AGO4: variants seen among roughly 807,000 people sequenced by gnomAD.
AGO4 encodes the protein protein argonaute-4.
Under a neutral mutation model 104.7 loss-of-function variants are expected in AGO4, and 33 were observed. The observed-to-expected ratio is 0.32, with a 90% CI of 0.24 to 0.42. The LOEUF is 0.42. AGO4 is among the 10% of genes least tolerant of loss of function. The probability of loss-of-function intolerance (pLI) is 1.00; values close to 1 mark genes in which losing one functional copy is unlikely to be tolerated. For missense variants in AGO4, 711 were observed against 1,083.4 expected (o/e 0.66, Z 4.83); for synonymous variants, 331 against 364.7 (o/e 0.91, Z 1.05).
At chr1:35,811,443 C>T (rs1440447669) in intron 1 of AGO4, among the ~76,000 whole-genome samples, 1 of 143,132 alleles carries the variant, frequency 7.0e-6, no homozygotes, top group East Asian at 2.1e-4. Flanking sequence ...GCCTGGGTGA[C>T]AGAGCAAGAC....
At chr1:35,833,627 G>A (rs775550150) in intron 11 of AGO4, among the ~76,000 whole-genome samples, 6 of 152,156 alleles carry the variant, frequency 3.9e-5, no homozygotes, top group South Asian at 2.1e-4. Context: ...CAAAATGCAC[G>A]TTACCTGAAA....
chr1:35,814,914 G>C (rs977693329), intron 1 of AGO4, among the ~76,000 whole-genome samples: 9 of 152,142 alleles, frequency 5.9e-5, no homozygotes, highest in African/African-American at 2.2e-4. Context: ...GTCTCCCTCT[G>C]TCGCCCAGGC....
intron 15 of AGO4, among the ~76,000 whole-genome samples, chr1:35,844,659 C>G (rs1335142658): frequency 6.6e-6 from 1 of 152,184 alleles, no homozygotes; most frequent in Admixed American, 6.5e-5. Flanking sequence ...TTCCTGCCCC[C>G]ATCCTGTGCT....
chr1:35,822,454 G>T (rs1437112084), intron 2 of AGO4, among the ~76,000 whole-genome samples: 1 of 151,354 alleles, frequency 6.6e-6, no homozygotes, highest in South Asian at 2.1e-4. Flanking sequence ...GGGTTTCACT[G>T]TGTTGGTCAG....
chr1:35,842,630 C>CGAAA (rs1409328870), intron 15 of AGO4, among the ~76,000 whole-genome samples: 3 of 152,094 alleles, frequency 2.0e-5, no homozygotes, highest in Non-Finnish European at 4.4e-5. Context: ...GGTGAGACTC[C>CGAAA]ATCTCTACTG....
rs1339357185 is a variant in AGO4 at position 35,832,040 on chromosome 1, G to A, written c.1117-17G>A. On this transcript the variant is annotated splice_polypyrimidine_tract_variant and intron_variant, in intron 9 of 17. Coordinates refer to ENST00000373210, the MANE Select transcript of AGO4 (RefSeq NM_017629.4). ...TACTCTCTGGTTTTTATATATGCAGGCTTTCCTGTTCTTTAGGTGAAGAGC... is the reference window on the plus strand; with the variant it reads ...TACTCTCTGGTTTTTATATATGCAGACTTTCCTGTTCTTTAGGTGAAGAGC... 6.2e-7 allele frequency: 1 copy of A among 1,607,998 alleles called. No homozygotes were observed. Among genetic ancestry groups the A allele is most frequent in the Non-Finnish European group, 8.5e-7 (1 of 1,178,452 alleles).
chr1:35,817,122 A>G, intron 2 of AGO4, 75 bp downstream of exon 2: 1 of 1,394,688 alleles, frequency 7.2e-7, no homozygotes, highest in Non-Finnish European at 9.6e-7. Context: ...TGTTCTCTAA[A>G]TTCATCCAAC....
intron 17 of AGO4, 79 bp downstream of exon 17, chr1:35,851,132 T>C: frequency 7.3e-7 from 1 of 1,368,050 alleles, no homozygotes; most frequent in Non-Finnish European, 1.0e-6. Flanking sequence ...AGAAAACTTT[T>C]TTAAGGATTT....
At chr1:35,832,715 A>G in intron 11 of AGO4, 145 bp downstream of exon 11, 1 of 1,118,990 alleles carries the variant, frequency 8.9e-7, no homozygotes, top group East Asian at 2.8e-5. Context: ...ACCTTGTATT[A>G]TAGTAATTTG....
Position 35,854,847 on chromosome 1 carries a change from A to G in AGO4, c.*1242A>G, listed in dbSNP as rs1159726814. ...GGTAACTCACACGACTACTTGCAGT[A>G]CAAATTTTTTGCTTCTCTTTCGACA... On this transcript the variant is annotated 3_prime_UTR_variant, in exon 18 of 18. Coordinates refer to ENST00000373210, the MANE Select transcript of AGO4 (RefSeq NM_017629.4). 6.5e-6 allele frequency: 1 copy of G among 152,674 alleles called. No homozygotes were observed. The highest frequency in any genetic ancestry group is 1.5e-5 in the Non-Finnish European group (1 of 68,048). 9.5% of individuals were successfully genotyped at this position (152,674 alleles called of 1,614,324 possible).
chr1:35,831,570 T>C lies in AGO4; in HGVS notation c.992T>C (p.Leu331Pro), dbSNP rs1206985928. The C allele has an allele frequency of 6.2e-7, 1 of 1,607,538 alleles. No individual in the cohort carries two copies. Among genetic ancestry groups the C allele is most frequent in the Non-Finnish European group, 8.5e-7 (1 of 1,178,486 alleles). Residue 331 changes from leucine (L) to proline (P), a missense_variant, in exon 8 of 18, where the codon CTC (leucine) becomes CCC (proline). Coordinates refer to ENST00000373210, the MANE Select transcript of AGO4 (RefSeq NM_017629.4). ...GQEQKHTYLPLEVCNIVAGQR... is the reference protein window; with the variant it reads ...GQEQKHTYLPPEVCNIVAGQR... ...GAACAAAAGCATACATACTTGCCACTCGAGGTAAGTTAAATTTTCTTTTGC... is the reference window on the plus strand; with the variant it reads ...GAACAAAAGCATACATACTTGCCACCCGAGGTAAGTTAAATTTTCTTTTGC...
chr1:35,853,652 C>A lies in AGO4; in HGVS notation c.*47C>A. On this transcript the variant is annotated 3_prime_UTR_variant, in exon 18 of 18. Transcript: ENST00000373210. ...ACCAATTTGGCACCCCATGCAGCCT[C>A]AAAATGTTTCAAATGCCTACCGCCT... The A allele has an allele frequency of 6.5e-7, 1 of 1,531,166 alleles. No individual in the cohort carries two copies. Among genetic ancestry groups the A allele is most frequent in the Non-Finnish European group, 9.0e-7 (1 of 1,108,372 alleles). 94.8% of individuals were successfully genotyped at this position (1,531,166 alleles called of 1,614,324 possible).
chr1:35,821,631 C>G (rs993796369), intron 2 of AGO4, among the ~76,000 whole-genome samples: 1 of 152,084 alleles, frequency 6.6e-6, no homozygotes, highest in Admixed American at 6.6e-5. Context: ...GACTTTTATT[C>G]TAAAAACAAA....
intron 2 of AGO4, among the ~76,000 whole-genome samples, chr1:35,819,152 T>A (rs973759855): frequency 3.0e-4 from 46 of 152,178 alleles, no homozygotes; most frequent in Admixed American, 6.5e-5. Flanking sequence ...AAATTAGTCA[T>A]GATCAATTCC....
intron 13 of AGO4, among the ~76,000 whole-genome samples, chr1:35,838,563 C>T (rs1644368054): frequency 6.6e-6 from 1 of 152,132 alleles, no homozygotes; most frequent in African/African-American, 2.4e-5. Flanking sequence ...TTAAGAAACC[C>T]TGTCTGTCCC....
Position 35,856,213 on chromosome 1 carries a change from A to T in AGO4, c.*2608A>T, listed in dbSNP as rs924793466. On this transcript the variant is annotated 3_prime_UTR_variant, in exon 18 of 18. Transcript: ENST00000373210. ...AGGAAAGAAATTTGGAAGAGCTGGGATTATTGGCAAAAACTTGCTGAGGGG... is the reference window on the plus strand; with the variant it reads ...AGGAAAGAAATTTGGAAGAGCTGGGTTTATTGGCAAAAACTTGCTGAGGGG... The T allele has an allele frequency of 1.1e-4, 16 of 152,184 alleles. No individual in the cohort carries two copies. Among genetic ancestry groups the T allele is most frequent in the African/African-American group, 3.6e-4 (15 of 41,448 alleles). 9.4% of individuals were successfully genotyped at this position (152,184 alleles called of 1,614,324 possible). A position where few individuals can be genotyped will look rare whatever the true frequency, so the allele number is the denominator to read the frequency against.
In AGO4 at chr1:35,841,321, G is replaced by A. The variant is rs373422169; in HGVS notation, c.1881G>A (p.Arg627=). The A allele has an allele frequency of 1.2e-5, 20 of 1,614,034 alleles. No individual in the cohort carries two copies. Among genetic ancestry groups the A allele is most frequent in the Non-Finnish European group, 1.7e-5 (20 of 1,180,040 alleles). The change falls in exon 14 of 18, where the codon CGG becomes CGA. Residue 627 remains arginine (R), a synonymous_variant. Transcript: ENST00000373210. The surrounding 1 kb of genome is among the most constrained non-coding windows in gnomAD (Gnocchi z 4.7). ...YCATVRVQTS[R]QEISQELLYS... ...CCACCGTTCGGGTGCAGACTTCCCG[G>A]CAGGAGATCTCCCAAGAGCTCCTCT...
intron 7 of AGO4, among the ~76,000 whole-genome samples, chr1:35,829,205 TA>T (rs1011019006): frequency 1.3e-5 from 2 of 151,974 alleles, no homozygotes; most frequent in African/African-American, 4.8e-5. Flanking sequence ...CTGATTGGAA[TA>T]AATTCTTCAG....
rs1382337726 is a variant in AGO4, at chr1:35,841,840, A to G, written c.2175+90A>G. 5.7e-6 allele frequency: 5 copies of G among 874,602 alleles called. No homozygotes were observed. In the African/African-American group the frequency reaches 9.0e-5, roughly 16 times the overall value. 54.2% of individuals were successfully genotyped at this position (874,602 alleles called of 1,614,324 possible). ...TATATATATATATATATATATATAC[A>G]CCATTTTTATACAATTTTTTTCTTA... On this transcript the variant is annotated intron_variant, in intron 15 of 17. Transcript: ENST00000373210. The surrounding 1 kb of genome is among the most constrained non-coding windows in gnomAD (Gnocchi z 4.7).
Sources: gnomAD v4.1 joint callset for allele counts (sites outside exome capture counted in the v4.1 genomes callset) on GRCh38, gnomAD v4.1.1 for gene constraint, Gnocchi (gnomAD v3.1) non-coding constraint, MANE v1.5 for transcripts, NCBI Gene and HGNC (gene_info 2026-07-23, HGNC 2026-07-21) for gene names.